NDST4: variants seen among roughly 807,000 people sequenced by gnomAD.
NDST4 encodes the protein N-heparan sulfate sulfotransferase 4.
Under a neutral mutation model 100.8 loss-of-function variants are expected in NDST4, and 63 were observed. The ratio of observed to expected loss-of-function variants is 0.62; its 90% CI spans 0.51 to 0.77. The LOEUF (loss-of-function observed/expected upper bound fraction) is 0.77. NDST4 is among the 30% of genes least tolerant of loss of function. NDST4 has a pLI of 0.00. For synonymous variants in NDST4, 377 were observed against 361.8 expected (o/e 1.04, Z -0.48); for missense variants, 943 against 1,018.4 (o/e 0.93, Z 1.01).
At chr4:115,108,574 T>C (rs188631072) in intron 1 of NDST4, among the ~76,000 whole-genome samples, 1 of 152,066 alleles carries the variant, frequency 6.6e-6, no homozygotes, top group East Asian at 1.9e-4. Context: ...ATTATTATCA[T>C]TTTATTTTTT....
At chr4:114,979,217 T>C (rs1726710037) in intron 2 of NDST4, among the ~76,000 whole-genome samples, 1 of 151,834 alleles carries the variant, frequency 6.6e-6, no homozygotes, top group Non-Finnish European at 1.5e-5. Context: ...TCCGCCCAAA[T>C]GTCAACTTTT....
At chr4:115,007,119 T>G (rs1175538554) in intron 2 of NDST4, among the ~76,000 whole-genome samples, 1 of 152,168 alleles carries the variant, frequency 6.6e-6, no homozygotes, top group Non-Finnish European at 1.5e-5. Flanking sequence ...GAGATACTGA[T>G]AGTTAAATTA....
chr4:115,018,093 A>G (rs978575335), intron 2 of NDST4, among the ~76,000 whole-genome samples: 44 of 152,122 alleles, frequency 2.9e-4, no homozygotes, highest in African/African-American at 1.0e-3. Flanking sequence ...ATGCTGTTGA[A>G]GCATGCATGT....
intron 2 of NDST4, among the ~76,000 whole-genome samples, chr4:115,003,505 T>C (rs1727343452): frequency 6.6e-6 from 1 of 150,524 alleles, no homozygotes; most frequent in South Asian, 2.2e-4. Flanking sequence ...CACCTTTGCC[T>C]GGAAATCTTG....
chr4:114,837,911 T>A (rs537534894), intron 11 of NDST4, among the ~76,000 whole-genome samples: 100 of 152,004 alleles, frequency 6.6e-4, no homozygotes, highest in African/African-American at 2.2e-3. Flanking sequence ...TGGGAGAAAA[T>A]TTTTGCAATC....
intron 2 of NDST4, among the ~76,000 whole-genome samples, chr4:115,005,905 C>T (rs1308609504): frequency 1.3e-5 from 2 of 151,284 alleles, no homozygotes; most frequent in Non-Finnish European, 3.0e-5. Context: ...TGGTGGTATG[C>T]GTTTGTAATC....
intron 2 of NDST4, among the ~76,000 whole-genome samples, chr4:115,074,074 A>G (rs1729131820): frequency 6.6e-6 from 1 of 151,996 alleles, no homozygotes; most frequent in Non-Finnish European, 1.5e-5. Context: ...TATATAGGAT[A>G]TAATTCTATC....
At chr4:114,966,446 T>C (rs949444199) in intron 4 of NDST4, among the ~76,000 whole-genome samples, 15 of 152,206 alleles carry the variant, frequency 9.9e-5, no homozygotes, top group African/African-American at 3.6e-4. Flanking sequence ...TTCAGAGAAA[T>C]TCCACAAATG....
chr4:114,911,188 A>G (rs943544989), intron 6 of NDST4, among the ~76,000 whole-genome samples: 6 of 152,088 alleles, frequency 3.9e-5, no homozygotes, highest in African/African-American at 1.4e-4. Context: ...CCTAGTTCGC[A>G]TTGCGTGACT....
chr4:114,980,165 A>G (rs1016578278), intron 2 of NDST4, among the ~76,000 whole-genome samples: 5 of 152,222 alleles, frequency 3.3e-5, no homozygotes. Flanking sequence ...GAATAAATTA[A>G]GTACAAATTT....
At chr4:114,996,255 G>C (rs1041965470) in intron 2 of NDST4, among the ~76,000 whole-genome samples, 1 of 151,972 alleles carries the variant, frequency 6.6e-6, no homozygotes, top group African/African-American at 2.4e-5. Context: ...ATAAGCGTCT[G>C]GTGTTTCCCC....
In NDST4 at chr4:114,974,583, A is replaced by T. The variant is rs191422495; in HGVS notation, c.1066+2604T>A. ...ACTATAATGTCTCCATTTCTCAATTAAGCTTTTGTTATGCAATTCCATTCA... is the reference window on the plus strand; with the variant it reads ...ACTATAATGTCTCCATTTCTCAATTTAGCTTTTGTTATGCAATTCCATTCA... On this transcript the variant is annotated intron_variant, in intron 3 of 13. Transcript: ENST00000264363. Among the ~76,000 whole-genome samples, 1,397 of 152,218 alleles carry T rather than the reference A, an allele frequency of 9.2e-3. 6 individuals carry two copies. Among genetic ancestry groups the T allele is most frequent in the Non-Finnish European group, 0.015 (1,009 of 67,988 alleles).
chr4:114,907,859 C>T (rs1457591296), intron 6 of NDST4, among the ~76,000 whole-genome samples: 1 of 152,008 alleles, frequency 6.6e-6, no homozygotes, highest in Non-Finnish European at 1.5e-5. Context: ...TGGGAAGAAG[C>T]CAACATCAAT....
intron 2 of NDST4, among the ~76,000 whole-genome samples, chr4:115,029,521 T>C (rs1284918667): frequency 6.6e-6 from 1 of 152,062 alleles, no homozygotes; most frequent in Non-Finnish European, 1.5e-5. Context: ...TACCTAGAAG[T>C]TGACTTCTAA....
intron 2 of NDST4, among the ~76,000 whole-genome samples, chr4:115,005,664 G>T (rs1188546360): frequency 6.6e-6 from 1 of 152,148 alleles, no homozygotes; most frequent in Non-Finnish European, 1.5e-5. Context: ...TATGAATGGG[G>T]CTTCTGAATA....
intron 6 of NDST4, among the ~76,000 whole-genome samples, chr4:114,901,659 T>C (rs1400139237): frequency 6.6e-6 from 1 of 152,042 alleles, no homozygotes; most frequent in Non-Finnish European, 1.5e-5. Context: ...CAAAATAATA[T>C]GTGCCATATT....
chr4:115,050,554 C>T (rs1222146817), intron 2 of NDST4, among the ~76,000 whole-genome samples: 1 of 152,080 alleles, frequency 6.6e-6, no homozygotes, highest in Non-Finnish European at 1.5e-5. Context: ...CTATGCTCCA[C>T]AAGTGTGATT....
At chr4:115,069,088 T>C (rs1027785645) in intron 2 of NDST4, among the ~76,000 whole-genome samples, 1 of 152,122 alleles carries the variant, frequency 6.6e-6, no homozygotes, top group African/African-American at 2.4e-5. Flanking sequence ...GAAATAACCA[T>C]CTGCTGGAGT....
At chr4:114,984,860 G>A (rs1726864058) in intron 2 of NDST4, among the ~76,000 whole-genome samples, 1 of 152,120 alleles carries the variant, frequency 6.6e-6, no homozygotes, top group South Asian at 2.1e-4. Flanking sequence ...GAATAGGGCT[G>A]ACCCAGGATG....
Sources: gnomAD v4.1 joint callset for allele counts (sites outside exome capture counted in the v4.1 genomes callset) on GRCh38, gnomAD v4.1.1 for gene constraint, MANE v1.5 for transcripts, NCBI Gene and HGNC (gene_info 2026-07-23, HGNC 2026-07-21) for gene names.